Variants in CELF1 observed in about 807,000 individuals in gnomAD.
CELF1 encodes 50 kDa nuclear polyadenylated RNA-binding protein.
Under a neutral mutation model 61.8 loss-of-function variants are expected in CELF1, and 10 were observed. That is an observed-to-expected ratio of 0.16 (90% CI 0.10 to 0.27). The LOEUF is 0.27. Among genes scored for constraint, CELF1 ranks in the 10% least tolerant of loss-of-function variants. CELF1 has a pLI of 1.00. For missense variants in CELF1, 380 were observed against 639.1 expected (o/e 0.59, Z 4.37); for synonymous variants, 236 against 225.1 (o/e 1.05, Z -0.43).
chr11:47,516,156 C>T (rs1372234970), intron 1 of CELF1, among the ~76,000 whole-genome samples: 1 of 150,818 alleles, frequency 6.6e-6, no homozygotes, highest in Non-Finnish European at 1.5e-5. Context: ...CATGTCACTG[C>T]ACTCCAGCCT....
intron 1 of CELF1, among the ~76,000 whole-genome samples, chr11:47,526,666 A>T (rs1163536476): frequency 6.6e-6 from 1 of 152,226 alleles, no homozygotes; most frequent in Non-Finnish European, 1.5e-5. Flanking sequence ...AGAAAAAACA[A>T]AAACAAAAAC....
chr11:47,496,811 TAA>T (rs1264217882), intron 3 of CELF1, among the ~76,000 whole-genome samples: 4 of 152,128 alleles, frequency 2.6e-5, no homozygotes, highest in Non-Finnish European at 4.4e-5. Flanking sequence ...TGACTAAGAA[TAA>T]AGAGGTAGGT....
chr11:47,494,464 G>A (rs1048767688), intron 3 of CELF1: 9 of 983,066 alleles, frequency 9.2e-6, no homozygotes, highest in African/African-American at 5.2e-5. Context: ...ATACAATAGG[G>A]ATACAATTGG....
chr11:47,503,211 A>C (rs908254772), intron 1 of CELF1, among the ~76,000 whole-genome samples: 3 of 152,242 alleles, frequency 2.0e-5, no homozygotes, highest in Non-Finnish European at 2.9e-5. Flanking sequence ...AGGATATAGG[A>C]ATAGTATAAA....
chr11:47,543,756 G>A (rs190787693), intron 1 of CELF1, among the ~76,000 whole-genome samples: 15 of 142,476 alleles, frequency 1.1e-4, no homozygotes, highest in South Asian at 2.2e-4. Flanking sequence ...TCCCCACCCC[G>A]TCTCTAAAAA....
intron 1 of CELF1, among the ~76,000 whole-genome samples, chr11:47,510,946 C>T (rs1286974128): frequency 6.6e-6 from 1 of 152,018 alleles, no homozygotes; most frequent in African/African-American, 2.4e-5. Context: ...CTCTGGGAAG[C>T]TCAAGTGAGA....
rs765599285 is a variant in CELF1, at chr11:47,470,206, T to C, written c.*2024A>G. 6.6e-6 allele frequency: 1 copy of C among 152,172 alleles called. No individual in the cohort carries two copies. The highest frequency in any genetic ancestry group is 1.5e-5 in the Non-Finnish European group (1 of 68,034). 9.4% of individuals were successfully genotyped at this position (152,172 alleles called of 1,614,324 possible). A position where few individuals can be genotyped will look rare whatever the true frequency, so the allele number is the denominator to read the frequency against. ...TCTCCACCCCGGAGCTGTATAAAAC[T>C]TCTATAAAAATAGAAACGACATTCT... On this transcript the variant is annotated 3_prime_UTR_variant, in exon 15 of 15. Transcript: ENST00000687097.
chr11:47,506,167 C>T (rs190143224), intron 1 of CELF1, among the ~76,000 whole-genome samples: 2 of 150,986 alleles, frequency 1.3e-5, no homozygotes, highest in African/African-American at 4.8e-5. Flanking sequence ...TGGCTCACAC[C>T]TGTAATCCCA....
chr11:47,481,081 GTTTTTTTTTTTTTTCTTCTTCT>G (rs2082781114), intron 9 of CELF1, among the ~76,000 whole-genome samples: 17 of 92,850 alleles, frequency 1.8e-4, no homozygotes, highest in African/African-American at 5.2e-4. Flanking sequence ...ATAAACTGGG[GTTTTTTTTTTTTTTCTTCTTCT>G]TTTTTTTTTT....
At chr11:47,486,179 G>A (rs1461139893) in intron 6 of CELF1, among the ~76,000 whole-genome samples, 1 of 145,352 alleles carries the variant, frequency 6.9e-6, no homozygotes, top group Non-Finnish European at 1.5e-5. Context: ...AAAAAAATTC[G>A]AGAATTAAGT....
intron 1 of CELF1, among the ~76,000 whole-genome samples, chr11:47,549,255 T>C (rs2097069866): frequency 6.6e-6 from 1 of 152,150 alleles, no homozygotes; most frequent in Non-Finnish European, 1.5e-5. Context: ...TGGCCTAGAT[T>C]CTTTCAAAAT....
chr11:47,469,755 C>T lies in CELF1; in HGVS notation c.*2475G>A, dbSNP rs2077278790. ...CCTTTTAGAAAAGAAAACCCATCAG[C>T]AGGTATGAAGCCCTCAGGGTCTGGT... On this transcript the variant is annotated 3_prime_UTR_variant, in exon 15 of 15. Transcript: ENST00000687097. The T allele has an allele frequency of 1.3e-5, 2 of 152,250 alleles. No homozygotes were observed. The highest frequency in any genetic ancestry group is 1.3e-4 in the Admixed American group (2 of 15,280). 9.4% of individuals were successfully genotyped at this position (152,250 alleles called of 1,614,324 possible). A position where few individuals can be genotyped will look rare whatever the true frequency, so the allele number is the denominator to read the frequency against.
At chr11:47,517,260 G>GAAAAAAAAAAAAAAAAAAAAA (rs57071560) in intron 1 of CELF1, among the ~76,000 whole-genome samples, 1 of 76,994 alleles carries the variant, frequency 1.3e-5, no homozygotes, top group Non-Finnish European at 3.1e-5. Flanking sequence ...AACAAACAGA[G>GAAAAAAAAAAAAAAAAAAAAA]AAAAAAAAAA....
chr11:47,481,676 G>A (rs1309286302), intron 9 of CELF1, among the ~76,000 whole-genome samples: 1 of 152,070 alleles, frequency 6.6e-6, no homozygotes, highest in Non-Finnish European at 1.5e-5. Flanking sequence ...TCACAAATGG[G>A]TGGTTTTAAC....
At chr11:47,530,723 G>C (rs1042274323) in intron 1 of CELF1, among the ~76,000 whole-genome samples, 7 of 152,160 alleles carry the variant, frequency 4.6e-5, no homozygotes, top group African/African-American at 1.7e-4. Context: ...CGGAGGCCGA[G>C]GCAGGAAGAT....
intron 3 of CELF1, among the ~76,000 whole-genome samples, chr11:47,496,784 A>ATTAC (rs2093193934): frequency 6.6e-6 from 1 of 152,186 alleles, no homozygotes; most frequent in African/African-American, 2.4e-5. Context: ...AACAGAGAAG[A>ATTAC]GATCATACTA....
At chr11:47,522,227 C>T (rs2153658399) in intron 1 of CELF1, among the ~76,000 whole-genome samples, 1 of 150,528 alleles carries the variant, frequency 6.6e-6, no homozygotes, top group African/African-American at 2.4e-5. Flanking sequence ...TTTTTTTTAT[C>T]ATTAACACTT....
intron 1 of CELF1, among the ~76,000 whole-genome samples, chr11:47,521,597 A>G (rs76781673): frequency 0.017 from 2,648 of 152,326 alleles, 47 homozygotes; most frequent in African/African-American, 0.049. Context: ...TCTACCTTAC[A>G]GGATATTTGT....
Position 47,467,774 on chromosome 11 carries a change from G to T in CELF1, c.*4456C>A, listed in dbSNP as rs943894166. 6.6e-6 allele frequency: 1 copy of T among 152,232 alleles called. No individual in the cohort carries two copies. The highest frequency in any genetic ancestry group is 1.5e-5 in the Non-Finnish European group (1 of 68,086). 9.4% of individuals were successfully genotyped at this position (152,232 alleles called of 1,614,324 possible). On this transcript the variant is annotated 3_prime_UTR_variant, in exon 15 of 15. Coordinates refer to ENST00000687097, the MANE Select transcript of CELF1 (RefSeq NM_001376376.1). Reference sequence around the variant, plus strand: ...CTCCCGGAAGCCCCGGTAAGACCTGGAGGCCACACGAAGTGACAGTCTAAG... The same window carrying T: ...CTCCCGGAAGCCCCGGTAAGACCTGTAGGCCACACGAAGTGACAGTCTAAG...
Sources: allele counts gnomAD v4.1 joint callset (sites outside exome capture counted in the v4.1 genomes callset), GRCh38; gene constraint gnomAD v4.1.1; transcripts MANE v1.5; gene names NCBI Gene and HGNC (gene_info 2026-07-23, HGNC 2026-07-21).